PDS5A: variants seen among roughly 807,000 people sequenced by gnomAD.
The protein encoded by PDS5A is PDS5 cohesin associated factor A.
A neutral mutation model predicts 167.1 loss-of-function variants in PDS5A; 42 were observed. That is an observed-to-expected ratio of 0.25 (90% CI 0.20 to 0.33). The LOEUF (loss-of-function observed/expected upper bound fraction) is 0.33, where lower values mean the gene tolerates loss of function less well. PDS5A is among the 10% of genes least tolerant of loss of function. PDS5A has a pLI of 1.00. For synonymous variants in PDS5A, 553 were observed against 554.6 expected, an observed-to-expected ratio of 1.00 and a Z score of 0.04; for missense variants, 1,033 against 1,605.9, an observed-to-expected ratio of 0.64 and a Z score of 6.10.
chr4:39,958,891 G>A (rs1043537704), intron 2 of PDS5A, among the ~76,000 whole-genome samples: 5 of 152,174 alleles, frequency 3.3e-5, no homozygotes, highest in Non-Finnish European at 7.3e-5. Context: ...TTATAGGCAT[G>A]AGCCACTGCG....
chr4:39,888,428 G>C (rs952728948), intron 17 of PDS5A, among the ~76,000 whole-genome samples: 1 of 151,906 alleles, frequency 6.6e-6, no homozygotes, highest in South Asian at 2.1e-4. Flanking sequence ...ATATGATCTA[G>C]CAATTCCACT....
At chr4:39,898,559 G>T in intron 15 of PDS5A, 31 bp from the exon 16 acceptor site, 2 of 1,294,302 alleles carry the variant, frequency 1.5e-6, no homozygotes, top group South Asian at 1.6e-5. Context: ...CAATATTAGA[G>T]AAGGAAAAAA....
At chr4:39,966,021 T>C (rs1729937369) in intron 2 of PDS5A, among the ~76,000 whole-genome samples, 1 of 152,044 alleles carries the variant, frequency 6.6e-6, no homozygotes, top group Non-Finnish European at 1.5e-5. Context: ...ACCAGAACAG[T>C]TCTACACAAA....
intron 6 of PDS5A, among the ~76,000 whole-genome samples, chr4:39,921,583 TAAAAAAAAAAA>T (rs375091298): frequency 1.2e-5 from 1 of 86,864 alleles, no homozygotes; most frequent in African/African-American, 4.9e-5. Context: ...AAAGAAAACT[TAAAAAAAAAAA>T]AAAAAAAAAA....
At chr4:39,862,837 T>C in intron 25 of PDS5A, 32 bp downstream of exon 25, 2 of 1,375,070 alleles carry the variant, frequency 1.5e-6, no homozygotes, top group Non-Finnish European at 2.0e-6. Context: ...TGACAAAATA[T>C]ATTTGCACAC....
intron 26 of PDS5A, among the ~76,000 whole-genome samples, chr4:39,861,416 C>T (rs1177899024): frequency 6.6e-6 from 1 of 152,062 alleles, no homozygotes; most frequent in East Asian, 1.9e-4. Context: ...CAAGATCGTG[C>T]CACTGCACTC....
intron 18 of PDS5A, among the ~76,000 whole-genome samples, chr4:39,878,529 G>A (rs1398250356): frequency 2.0e-5 from 3 of 151,772 alleles, no homozygotes; most frequent in East Asian, 1.9e-4. Context: ...CCTGGGAGGC[G>A]GAGCTTGCAG....
chr4:39,972,278 T>C (rs1397156629), intron 2 of PDS5A, among the ~76,000 whole-genome samples: 2 of 152,006 alleles, frequency 1.3e-5, no homozygotes, highest in South Asian at 4.2e-4. Flanking sequence ...TCCCAGCACT[T>C]TGGGAGGCCG....
At chr4:39,941,829 G>A (rs764617222) in intron 2 of PDS5A, among the ~76,000 whole-genome samples, 1 of 152,164 alleles carries the variant, frequency 6.6e-6, no homozygotes, top group Non-Finnish European at 1.5e-5. Context: ...GCTGAAGAGG[G>A]AGGAGCCCTT....
chr4:39,957,562 G>A (rs1215668617), intron 2 of PDS5A, among the ~76,000 whole-genome samples: 2 of 152,054 alleles, frequency 1.3e-5, no homozygotes, highest in Non-Finnish European at 2.9e-5. Context: ...AAAGAGGGCG[G>A]ACCACGAGGT....
In PDS5A at chr4:39,904,169, A is replaced by G. The variant is rs752895096; in HGVS notation, c.1256T>C (p.Met419Thr). 6.2e-7 allele frequency: 1 copy of G among 1,607,970 alleles called. No homozygotes were observed. The highest frequency in any genetic ancestry group is 1.7e-5 in the Admixed American group (1 of 58,614). The change falls in exon 12 of 33, where the codon ATG becomes ACG. Residue 419 changes from methionine (M) to threonine (T), a missense_variant. By Grantham distance (81) the Met-to-Thr change is moderately conservative. Coordinates refer to ENST00000303538, the MANE Select transcript of PDS5A (RefSeq NM_001100399.2). ...DKRWRVRKEA[M>T]MGLAQLYKKY... ...CTTATAAAGCTGAGCCAGACCCATC[A>G]TAGCTTCTTTTCTTACTCGCCACTA...
intron 1 of PDS5A, 64 bp from the exon 2 acceptor site, chr4:39,976,681 C>G (rs1457536271): frequency 1.2e-6 from 1 of 839,910 alleles, no homozygotes; most frequent in Non-Finnish European, 1.8e-6. Flanking sequence ...TTTTTCATTT[C>G]AAATCTCTCT....
chr4:39,841,129 A>G (rs911384954), intron 31 of PDS5A, among the ~76,000 whole-genome samples: 9 of 152,094 alleles, frequency 5.9e-5, no homozygotes, highest in African/African-American at 2.2e-4. Context: ...AACTTTTGAA[A>G]TATTTCAAAA....
intron 2 of PDS5A, among the ~76,000 whole-genome samples, chr4:39,936,507 T>G (rs928014453): frequency 6.6e-6 from 1 of 152,204 alleles, no homozygotes; most frequent in African/African-American, 2.4e-5. Flanking sequence ...CAACCGTGGC[T>G]CATTATAACC....
At position 39,938,131 on chromosome 4, in the gene PDS5A, A is replaced by G. The variant is rs868658349; in HGVS notation, c.139-9967T>C. On this transcript the variant is annotated intron_variant, in intron 2 of 32. Transcript: ENST00000303538. ...ACCTCACTTTCGTTTTCTGTATATC[A>G]CTTTCCTTTTTCTGTCCATAAATGT... Among the ~76,000 whole-genome samples, 6 of 152,160 alleles carry G rather than the reference A, an allele frequency of 3.9e-5. 1 individual carries two copies. The South Asian group carries it at 1.0e-3, about 26-fold the overall frequency.
chr4:39,939,807 AAAAC>A (rs886457714), intron 2 of PDS5A, among the ~76,000 whole-genome samples: 5 of 151,966 alleles, frequency 3.3e-5, no homozygotes, highest in African/African-American at 7.3e-5. Flanking sequence ...CAAAAAAACA[AAAAC>A]AAACAAACAA....
intron 6 of PDS5A, among the ~76,000 whole-genome samples, chr4:39,921,231 G>A (rs957184815): frequency 2.0e-5 from 3 of 152,240 alleles, no homozygotes; most frequent in South Asian, 2.1e-4. Flanking sequence ...TAGCATGAAA[G>A]CAGATATAAA....
Position 39,902,303 on chromosome 4 carries a change from C to T in PDS5A, c.1499+44G>A, listed in dbSNP as rs572156260. The T allele has an allele frequency of 5.1e-5, 45 of 879,396 alleles. 1 individual carries two copies. In the South Asian group the frequency reaches 6.9e-4, roughly 14 times the overall value. The allele number at this position is 879,396 out of a possible 1,614,324, so 54.5% of individuals were successfully genotyped here. On this transcript the variant is annotated intron_variant, in intron 13 of 32. Coordinates refer to ENST00000303538, the MANE Select transcript of PDS5A (RefSeq NM_001100399.2). ...AATTAGATAAGATGAAGTAATTTTACGAAATCCTTAGAAAATACAGCAGTT... is the reference window on the plus strand; with the variant it reads ...AATTAGATAAGATGAAGTAATTTTATGAAATCCTTAGAAAATACAGCAGTT...
At chr4:39,975,381 A>G (rs1730991841) in intron 2 of PDS5A, among the ~76,000 whole-genome samples, 1 of 152,222 alleles carries the variant, frequency 6.6e-6, no homozygotes, top group Admixed American at 6.5e-5. Context: ...AACATTAGGT[A>G]CATTTACTGG....
Sources: gnomAD v4.1 joint callset for allele counts (sites outside exome capture counted in the v4.1 genomes callset) on GRCh38, gnomAD v4.1.1 for gene constraint, MANE v1.5 for transcripts, NCBI Gene and HGNC (gene_info 2026-07-23, HGNC 2026-07-21) for gene names.